RTKN: variants seen among roughly 807,000 people sequenced by gnomAD.
RTKN encodes the protein rhotekin.
RTKN carries 49 observed loss-of-function variants against 63.5 expected under a neutral mutation model. The observed-to-expected ratio is 0.77, with a 90% CI of 0.61 to 0.98. The LOEUF (loss-of-function observed/expected upper bound fraction) is 0.98. Among genes scored for constraint, RTKN ranks in the 50% least tolerant of loss-of-function variants. RTKN has a pLI of 0.00. For synonymous variants in RTKN, 295 were observed against 290.4 expected (o/e 1.02, Z -0.16); for missense variants, 685 against 740.8 (o/e 0.92, Z 0.87).
chr2:74,441,920 C>T lies in RTKN; in HGVS notation c.-104G>A. On this transcript the variant is annotated 5_prime_UTR_variant, in exon 1 of 12. Transcript: ENST00000272430. The stretch of plus-strand genomic sequence containing the variant: ...TCTCGACGCTCGTCCGCCAGTCCGG[C>T]CGGGAATCTCCCGCTGCGGGGCTCC... The T allele has an allele frequency of 1.4e-6, 1 of 704,868 alleles. No homozygotes were observed. The highest frequency in any genetic ancestry group is 2.4e-6 in the Non-Finnish European group (1 of 417,684). The allele number at this position is 704,868 out of a possible 1,614,324, so 43.7% of individuals were successfully genotyped here.
At chr2:74,439,583 G>A (rs757405744) in intron 1 of RTKN, 2 of 1,614,060 alleles carry the variant, frequency 1.2e-6, no homozygotes, top group Non-Finnish European at 8.5e-7. Context: ...CGAATGTAGA[G>A]CATATTCAGG....
chr2:74,435,691 C>T (rs1221828252), intron 1 of RTKN, among the ~76,000 whole-genome samples: 1 of 152,152 alleles, frequency 6.6e-6, no homozygotes, highest in Non-Finnish European at 1.5e-5. Flanking sequence ...ACAAGTCGAG[C>T]CATCCATTTG....
intron 9 of RTKN, chr2:74,428,067 G>C (rs1392482204): frequency 1.6e-6 from 1 of 638,764 alleles, no homozygotes; most frequent in Non-Finnish European, 2.7e-6. Context: ...CAGGGACTGA[G>C]GATGGCAAGT....
At chr2:74,440,353 C>T in intron 1 of RTKN, 1 of 986,302 alleles carries the variant, frequency 1.0e-6, no homozygotes, top group Non-Finnish European at 1.2e-6. Flanking sequence ...TCACAATTAC[C>T]TCGCTTTTCC....
chr2:74,441,706 C>G lies in RTKN; in HGVS notation c.111G>C (p.Glu37Asp), dbSNP rs1427213263. Residue 37 changes from glutamate (E) to aspartate (D), a missense_variant and splice_region_variant, in exon 1 of 12, where the codon GAG (glutamate) becomes GAC (aspartate). Glu to Asp is a conservative substitution (Grantham distance 45, BLOSUM62 2). Coordinates refer to ENST00000272430, the MANE Select transcript of RTKN (RefSeq NM_001015055.2). ...GAAGGCAGGGACGCGAGTCTCTCAC[C>G]TCGGGCAGGTCGCTGAAGAGGCTGA... ...FRLSLFSDLP[E>D]DTELQRKLDH... is the part of the protein sequence containing the mutation. 1.9e-6 allele frequency: 3 copies of G among 1,607,982 alleles called. No homozygotes were observed. The highest frequency in any genetic ancestry group is 2.2e-5 in the South Asian group (2 of 89,802).
intron 6 of RTKN, 26 bp downstream of exon 6, chr2:74,429,802 G>T: frequency 2.5e-6 from 4 of 1,598,814 alleles, no homozygotes; most frequent in Non-Finnish European, 3.4e-6. Context: ...GGCAGCTGAG[G>T]GTGGTGTCGG....
At position 74,426,462 on chromosome 2, in the gene RTKN, G is replaced by T; in HGVS notation, c.1473C>A (p.Ala491=). ...PWLAMFTDQP[A]LPNPCSPASV... ...AGGCAGGCGAGCAGGGGTTAGGCAG[G>T]GCAGGCTGGTCTGTAAACATTGCCA... The change falls in exon 12 of 12, where the codon GCC becomes GCA. Residue 491 remains alanine (A), a synonymous_variant. Coordinates refer to ENST00000272430, the MANE Select transcript of RTKN (RefSeq NM_001015055.2). 6.2e-7 allele frequency: 1 copy of T among 1,611,080 alleles called. No individual in the cohort carries two copies.
chr2:74,432,541 G>T lies in RTKN; in HGVS notation c.237C>A (p.Asn79Lys). 6.2e-7 allele frequency: 1 copy of T among 1,614,044 alleles called. No homozygotes were observed. The highest frequency in any genetic ancestry group is 8.5e-7 in the Non-Finnish European group (1 of 1,180,042). The part of the protein sequence containing the change: ...LEATKSLLVC[N>K]SRILSYMGEL... ...CGCCCATGTAGCTGAGGATGCGGCT[G>T]TTGCACACTAGCAGGCTCTTGGTGG... The change falls in exon 2 of 12, where the codon AAC (asparagine) becomes AAA (lysine). Residue 79 changes from asparagine (N) to lysine (K), a missense_variant. Physicochemically the swap from Asn to Lys is moderately conservative, Grantham distance 94. Coordinates refer to ENST00000272430, the MANE Select transcript of RTKN (RefSeq NM_001015055.2).
chr2:74,426,914 G>C (rs1558537939), intron 11 of RTKN: 15 of 985,210 alleles, frequency 1.5e-5, no homozygotes, highest in African/African-American at 1.7e-5. Flanking sequence ...AAGGGAAACA[G>C]AAAAGAAGAA....
Position 74,428,843 on chromosome 2 carries a change from C to T in RTKN, c.850+5G>A. 6.2e-7 allele frequency: 1 copy of T among 1,613,598 alleles called. No homozygotes were observed. Among genetic ancestry groups the T allele is most frequent in the Non-Finnish European group, 8.5e-7 (1 of 1,179,522 alleles). ...TGTATGTCCCCCATGCACACACATA[C>T]TTACCATGACTGGCAAGGGTGAGGT... is the stretch of plus-strand genomic sequence containing the variant. On this transcript the variant is annotated splice_donor_5th_base_variant and intron_variant, in intron 7 of 11. Transcript: ENST00000272430.
intron 1 of RTKN, among the ~76,000 whole-genome samples, chr2:74,435,043 C>A (rs11885178): frequency 0.1 from 15,908 of 152,118 alleles, 2,134 homozygotes; most frequent in African/African-American, 0.3. Context: ...TGACGCTGCA[C>A]AGAAACCTAT....
At chr2:74,433,238 G>A (rs1670859851) in intron 1 of RTKN, among the ~76,000 whole-genome samples, 2 of 141,224 alleles carry the variant, frequency 1.4e-5, no homozygotes, top group African/African-American at 2.6e-5. Context: ...GCAAGACTCT[G>A]GCTCAAAAAA....
chr2:74,440,603 A>C, intron 1 of RTKN: 7 of 980,026 alleles, frequency 7.1e-6, no homozygotes, highest in Non-Finnish European at 7.3e-6. Context: ...GGCTAATCCC[A>C]GGGGCGGCCC....
At position 74,427,590 on chromosome 2, in the gene RTKN, C is replaced by T. The variant is rs773178000; in HGVS notation, c.1089G>A (p.Glu363=). 1.2e-6 allele frequency: 2 copies of T among 1,611,706 alleles called. No individual in the cohort carries two copies. Among genetic ancestry groups the T allele is most frequent in the Non-Finnish European group, 1.7e-6 (2 of 1,179,620 alleles). ...CCAGCTCCCCTGCCCGGACTCGAGT[C>T]TCCTGCAGGAGAAAGAAGAGGTCTA... ...EPLLTIAVNK[E]TRVRAGELDQ... The change falls in exon 10 of 12, where the codon GAG becomes GAA. Residue 363 remains glutamate, a splice_region_variant and synonymous_variant. Transcript: ENST00000272430.
intron 6 of RTKN, 128 bp downstream of exon 6, chr2:74,429,700 C>T: frequency 1.1e-6 from 1 of 899,232 alleles, no homozygotes; most frequent in Non-Finnish European, 1.7e-6. Context: ...GTGGCCACTG[C>T]TCATTCATAT....
chr2:74,437,589 C>G (rs1671128630), intron 1 of RTKN, among the ~76,000 whole-genome samples: 1 of 152,138 alleles, frequency 6.6e-6, no homozygotes, highest in Non-Finnish European at 1.5e-5. Context: ...TCCAATAAAA[C>G]CTTCTGCGGT....
intron 6 of RTKN, 92 bp from the exon 7 acceptor site, chr2:74,429,034 A>G (rs1248272597): frequency 9.8e-7 from 1 of 1,018,776 alleles, no homozygotes; most frequent in East Asian, 2.4e-5. Flanking sequence ...CATTGTTCAG[A>G]CTGCCCCACA....
intron 1 of RTKN, 74 bp downstream of exon 1, chr2:74,441,632 G>C (rs1671369645): frequency 9.3e-7 from 1 of 1,077,276 alleles, no homozygotes; most frequent in Non-Finnish European, 1.4e-6. Flanking sequence ...ACGCGGGCGA[G>C]GGAAGGAGGC....
intron 1 of RTKN, among the ~76,000 whole-genome samples, chr2:74,438,422 C>T (rs1046104124): frequency 1.3e-5 from 2 of 152,128 alleles, no homozygotes; most frequent in African/African-American, 4.8e-5. Flanking sequence ...TGGACATTTG[C>T]GAACTCTCTT....
Sources: allele counts gnomAD v4.1 joint callset (sites outside exome capture counted in the v4.1 genomes callset), GRCh38; gene constraint gnomAD v4.1.1; transcripts MANE v1.5; gene names NCBI Gene and HGNC (gene_info 2026-07-23, HGNC 2026-07-21).